The following RELN variants were observed in gnomAD, a reference collection of about 807,000 sequenced individuals.
RELN encodes reelin.
Under a neutral mutation model 427.6 loss-of-function variants are expected in RELN, and 108 were observed. That is an observed-to-expected ratio of 0.25 (90% CI 0.22 to 0.30). The LOEUF is 0.30. RELN is among the 10% of genes least tolerant of loss of function. The pLI is 1.00. For missense variants in RELN, 3,715 were observed against 4,302.8 expected (o/e 0.86, Z 3.82); for synonymous variants, 1,524 against 1,513.4 (o/e 1.01, Z -0.16).
intron 11 of RELN, among the ~76,000 whole-genome samples, chr7:103,666,979 T>C (rs773660599): frequency 3.9e-5 from 6 of 152,230 alleles, no homozygotes; most frequent in Non-Finnish European, 7.3e-5. Context: ...TTCGATTACA[T>C]ATGTTCAGTC....
chr7:103,717,693 A>T (rs1789973240), intron 8 of RELN, among the ~76,000 whole-genome samples: 1 of 152,060 alleles, frequency 6.6e-6, no homozygotes. Flanking sequence ...TGTTAGTCTT[A>T]TACTTAGAGG....
chr7:103,731,573 A>G lies in RELN; in HGVS notation c.657-3366T>C, dbSNP rs149846871. 3.9e-5 allele frequency among the ~76,000 whole-genome samples: 6 copies of G among 152,268 alleles called. No individual in the cohort carries two copies. The East Asian group carries it at 9.6e-4, about 24-fold the overall frequency. The stretch of plus-strand genomic sequence containing the variant: ...CTGTCCAAGGTTACACAGCTAGTCA[A>G]TTGCAGAATTGGGAGTCAAACTCTA... On this transcript the variant is annotated intron_variant, in intron 6 of 64. Coordinates refer to ENST00000428762, the MANE Select transcript of RELN (RefSeq NM_005045.4).
intron 45 of RELN, 145 bp from the exon 46 acceptor site, chr7:103,535,629 G>T: frequency 1.4e-6 from 1 of 731,392 alleles, no homozygotes. Context: ...GCTTTGAAAT[G>T]CTTCCTAGTT....
chr7:103,728,356 T>A, intron 6 of RELN, 149 bp from the exon 7 acceptor site: 1 of 748,372 alleles, frequency 1.3e-6, no homozygotes, highest in South Asian at 1.5e-5. Flanking sequence ...ATGATAAGGT[T>A]AAGAAGACCT....
At chr7:103,825,952 A>G (rs1344183423) in intron 3 of RELN, among the ~76,000 whole-genome samples, 2 of 151,986 alleles carry the variant, frequency 1.3e-5, no homozygotes, top group African/African-American at 2.4e-5. Flanking sequence ...ATGATTCCCA[A>G]TGCAACAGTG....
intron 3 of RELN, among the ~76,000 whole-genome samples, chr7:103,783,344 T>C (rs1018608881): frequency 1.3e-5 from 2 of 152,020 alleles, no homozygotes; most frequent in Non-Finnish European, 2.9e-5. Flanking sequence ...AAAAACTCGC[T>C]TCAAAACCCA....
rs1441549062 is a variant in RELN at position 103,953,926 on chromosome 7, C to T, written c.226+35205G>A. Reference sequence around the variant, plus strand: ...CAGGCTGTGCGGCAGAGCAAGACTCCATCTCAAAAAAACAAAACAAACAAC... The same window carrying T: ...CAGGCTGTGCGGCAGAGCAAGACTCTATCTCAAAAAAACAAAACAAACAAC... On this transcript the variant is annotated intron_variant, in intron 1 of 64. Transcript: ENST00000428762. The surrounding 1 kb of genome is among the most constrained non-coding windows in gnomAD (Gnocchi z 4.3). Among the ~76,000 whole-genome samples, 4 of 151,366 alleles carry T rather than the reference C, an allele frequency of 2.6e-5. No individual in the cohort carries two copies. The highest frequency in any genetic ancestry group is 2.6e-4 in the Admixed American group (4 of 15,186).
At position 103,654,062 on chromosome 7, in the gene RELN, G is replaced by A. The variant is rs909988947; in HGVS notation, c.1554+31C>T. The stretch of plus-strand genomic sequence containing the variant: ...GGCTTGTCCAGGGTGGTCTGAGGTG[G>A]TCTATTTGCCACACAGACTGGCATG... On this transcript the variant is annotated intron_variant, in intron 13 of 64. Coordinates refer to ENST00000428762, the MANE Select transcript of RELN (RefSeq NM_005045.4). 3 of 1,270,894 alleles carry A rather than the reference G, an allele frequency of 2.4e-6. No homozygotes were observed. In the African/African-American group the frequency reaches 4.4e-5, roughly 19 times the overall value. 78.7% of individuals were successfully genotyped at this position (1,270,894 alleles called of 1,614,324 possible).
chr7:103,561,324 C>T (rs75392138), intron 36 of RELN, among the ~76,000 whole-genome samples: 1 of 151,976 alleles, frequency 6.6e-6, no homozygotes, highest in African/African-American at 2.4e-5. Context: ...GTCTGATCAC[C>T]AAAGCAGAGG....
intron 19 of RELN, among the ~76,000 whole-genome samples, chr7:103,634,718 A>G (rs899546534): frequency 6.6e-6 from 1 of 151,924 alleles, no homozygotes. Context: ...CATATTGGTT[A>G]TAAGATATAT....
At chr7:103,858,089 T>C (rs13234309) in intron 2 of RELN, among the ~76,000 whole-genome samples, 21,757 of 151,966 alleles carry the variant, frequency 0.14, 1,853 homozygotes, top group East Asian at 0.34. Flanking sequence ...ATGTATATAG[T>C]GTCTAGTTTG....
chr7:103,835,125 A>T (rs1455134400), intron 2 of RELN, among the ~76,000 whole-genome samples: 1 of 152,222 alleles, frequency 6.6e-6, no homozygotes, highest in Non-Finnish European at 1.5e-5. Context: ...AAAAGAAATG[A>T]TCTATGAAGA....
chr7:103,894,119 T>A (rs1475178692), intron 2 of RELN, among the ~76,000 whole-genome samples: 2 of 152,202 alleles, frequency 1.3e-5, no homozygotes, highest in African/African-American at 4.8e-5. Flanking sequence ...ATGCATTTTC[T>A]TTTATTTCAA....
At chr7:103,743,787 G>T (rs563286137) in intron 6 of RELN, among the ~76,000 whole-genome samples, 3 of 152,228 alleles carry the variant, frequency 2.0e-5, no homozygotes, top group African/African-American at 7.2e-5. Flanking sequence ...CCTACAAAGA[G>T]ACTTAGACTC....
chr7:103,507,622 A>C (rs998485302), intron 51 of RELN, among the ~76,000 whole-genome samples: 1 of 152,212 alleles, frequency 6.6e-6, no homozygotes, highest in African/African-American at 2.4e-5. Context: ...AATTAAAAGA[A>C]CTAGAGAAGC....
rs543271065 is a variant in RELN at position 103,972,606 on chromosome 7, T to C, written c.226+16525A>G. 3.3e-5 allele frequency among the ~76,000 whole-genome samples: 5 copies of C among 151,880 alleles called. No individual in the cohort carries two copies. In the South Asian group the frequency reaches 1.0e-3, roughly 32 times the overall value. ...CTGGCGTTGGCCATCTGACTTCTGT[T>C]TGGAATAGAGGGGCCATCATCCATC... On this transcript the variant is annotated intron_variant, in intron 1 of 64. Transcript: ENST00000428762.
chr7:103,834,709 A>G (rs1430751701), intron 2 of RELN, among the ~76,000 whole-genome samples: 1 of 152,216 alleles, frequency 6.6e-6, no homozygotes, highest in Non-Finnish European at 1.5e-5. Context: ...ATTCAGGATC[A>G]TATGTCATTA....
chr7:103,575,835 C>T (rs1830986845), intron 28 of RELN, 130 bp from the exon 29 acceptor site: 1 of 1,003,544 alleles, frequency 1.0e-6, no homozygotes, highest in Non-Finnish European at 1.5e-6. Context: ...CTTGACTGCA[C>T]TTAACCTTCA....
intron 28 of RELN, 106 bp downstream of exon 28, chr7:103,589,490 T>G (rs1831359071): frequency 2.6e-6 from 2 of 782,886 alleles, no homozygotes; most frequent in East Asian, 2.4e-5. Flanking sequence ...TTCCCAGAAT[T>G]GTATTTTCGG....
Sources: allele counts gnomAD v4.1 joint callset (sites outside exome capture counted in the v4.1 genomes callset), GRCh38; gene constraint gnomAD v4.1.1; non-coding constraint Gnocchi (gnomAD v3.1); transcripts MANE v1.5; gene names NCBI Gene and HGNC (gene_info 2026-07-23, HGNC 2026-07-21).